SKAP2: variants seen among roughly 807,000 people sequenced by gnomAD.
SKAP2 encodes src kinase-associated phosphoprotein 2.
A neutral mutation model predicts 54.9 loss-of-function variants in SKAP2; 28 were observed. That is an observed-to-expected ratio of 0.51 (90% CI 0.38 to 0.70). The LOEUF (loss-of-function observed/expected upper bound fraction) is 0.70. SKAP2 is among the 30% of genes least tolerant of loss of function. The pLI, the probability that SKAP2 is intolerant of heterozygous loss-of-function variation, is 0.00. For missense variants in SKAP2, 356 were observed against 424.1 expected (o/e 0.84, Z 1.41); for synonymous variants, 137 against 134.3 (o/e 1.02, Z -0.14).
At chr7:26,714,803 C>T (rs188183965) in intron 9 of SKAP2, among the ~76,000 whole-genome samples, 5 of 152,180 alleles carry the variant, frequency 3.3e-5, no homozygotes, top group South Asian at 2.1e-4. Flanking sequence ...AATACATTTT[C>T]GTGAAGCTAC....
intron 9 of SKAP2, among the ~76,000 whole-genome samples, chr7:26,718,928 C>T (rs1787519470): frequency 1.3e-5 from 2 of 152,186 alleles, no homozygotes; most frequent in South Asian, 4.2e-4. Flanking sequence ...CCTGTAATCC[C>T]AGCACTTTGG....
At chr7:26,690,453 T>C (rs1452835865) in intron 9 of SKAP2, 91 bp from the exon 10 acceptor site, 1 of 770,830 alleles carries the variant, frequency 1.3e-6, no homozygotes, top group African/African-American at 1.8e-5. Context: ...AAACTAAAAG[T>C]TTATAACACA....
At chr7:26,858,938 T>TAAC (rs1785228202) in intron 1 of SKAP2, among the ~76,000 whole-genome samples, 1 of 151,980 alleles carries the variant, frequency 6.6e-6, no homozygotes, top group South Asian at 2.1e-4. Flanking sequence ...GTCACAAAGG[T>TAAC]AACACCTCCT....
chr7:26,857,662 C>G, intron 1 of SKAP2: 2 of 985,444 alleles, frequency 2.0e-6, no homozygotes, highest in Non-Finnish European at 2.4e-6. Context: ...CCCAGGGTTC[C>G]TCTCAGGCGG....
intron 4 of SKAP2, among the ~76,000 whole-genome samples, chr7:26,775,108 A>T (rs1449125445): frequency 2.0e-5 from 3 of 152,134 alleles, no homozygotes; most frequent in African/African-American, 7.2e-5. Flanking sequence ...ATCAAGAGGC[A>T]ACTCTCTTCG....
At chr7:26,741,579 T>TAAA (rs1297623139) in intron 4 of SKAP2, among the ~76,000 whole-genome samples, 2 of 15,500 alleles carry the variant, frequency 1.3e-4, no homozygotes, top group African/African-American at 4.4e-4. Context: ...AATAAATAAA[T>TAAA]TAATAAAATG....
intron 4 of SKAP2, among the ~76,000 whole-genome samples, chr7:26,756,430 TG>T (rs1264428679): frequency 6.6e-6 from 1 of 152,194 alleles, no homozygotes; most frequent in African/African-American, 2.4e-5. Context: ...ATGTGGTGTT[TG>T]GTTTTTTGTC....
At chr7:26,789,908 G>A (rs1039874417) in intron 4 of SKAP2, among the ~76,000 whole-genome samples, 5 of 152,136 alleles carry the variant, frequency 3.3e-5, no homozygotes, top group South Asian at 4.1e-4. Flanking sequence ...GTCATGTGCT[G>A]GGCAGAAACA....
intron 4 of SKAP2, among the ~76,000 whole-genome samples, chr7:26,755,644 GT>G (rs1416215953): frequency 6.6e-6 from 1 of 152,132 alleles, no homozygotes; most frequent in Non-Finnish European, 1.5e-5. Flanking sequence ...GACCATAACT[GT>G]CTTCTCTTCA....
At chr7:26,702,323 G>A (rs1464774423) in intron 9 of SKAP2, among the ~76,000 whole-genome samples, 2 of 151,922 alleles carry the variant, frequency 1.3e-5, no homozygotes, top group African/African-American at 2.4e-5. Flanking sequence ...TGTATTTTTT[G>A]TAGAGACAGG....
chr7:26,858,177 C>T (rs1785212941), intron 1 of SKAP2: 2 of 152,352 alleles, frequency 1.3e-5, no homozygotes, highest in Non-Finnish European at 2.9e-5. Context: ...CTAACTACCC[C>T]CACCCACCCC....
At chr7:26,697,479 TATG>T (rs1303565502) in intron 9 of SKAP2, among the ~76,000 whole-genome samples, 1 of 152,224 alleles carries the variant, frequency 6.6e-6, no homozygotes, top group African/African-American at 2.4e-5. Context: ...TTATTCACTG[TATG>T]ATAAAAATTC....
In SKAP2 at chr7:26,864,464, G is replaced by A; in HGVS notation, c.-35C>T. ...CGCAGGGCGTGCGGGGAAAGGACCT[G>A]CGCTGAAAAGGTGACCGACGGGGTG... On this transcript the variant is annotated 5_prime_UTR_variant, in exon 1 of 13. Transcript: ENST00000345317. 6.4e-7 allele frequency: 1 copy of A among 1,573,000 alleles called. No homozygotes were observed. The highest frequency in any genetic ancestry group is 1.4e-5 in the African/African-American group (1 of 73,156).
intron 4 of SKAP2, among the ~76,000 whole-genome samples, chr7:26,781,941 T>C (rs1271552430): frequency 6.6e-6 from 1 of 152,166 alleles, no homozygotes. Flanking sequence ...CCTCCCTGAA[T>C]AGATCAAGTT....
chr7:26,850,953 G>C (rs3934268), intron 3 of SKAP2, among the ~76,000 whole-genome samples: 32,266 of 151,866 alleles, frequency 0.21, 3,510 homozygotes, highest in Non-Finnish European at 0.24. Context: ...ATATAAACAA[G>C]TGAAAAATTA....
intron 4 of SKAP2, among the ~76,000 whole-genome samples, chr7:26,831,115 T>G (rs1375497154): frequency 6.6e-6 from 1 of 152,174 alleles, no homozygotes; most frequent in Non-Finnish European, 1.5e-5. Flanking sequence ...TCCAAACTCA[T>G]TCAAATGTTC....
At chr7:26,796,958 C>T (rs1783794175) in intron 4 of SKAP2, among the ~76,000 whole-genome samples, 1 of 152,148 alleles carries the variant, frequency 6.6e-6, no homozygotes, top group Non-Finnish European at 1.5e-5. Context: ...GAGCACAAAA[C>T]ATTTGGGCAA....
chr7:26,856,319 TA>T (rs544996750), intron 1 of SKAP2, among the ~76,000 whole-genome samples: 2 of 151,750 alleles, frequency 1.3e-5, no homozygotes, highest in Non-Finnish European at 1.5e-5. Flanking sequence ...ACTGATGTAT[TA>T]AAAAATAAGT....
intron 4 of SKAP2, among the ~76,000 whole-genome samples, chr7:26,767,882 T>C (rs1783097004): frequency 6.6e-6 from 1 of 152,182 alleles, no homozygotes; most frequent in South Asian, 2.1e-4. Flanking sequence ...TACTTCCAAT[T>C]ATGTGGTCAA....
Sources: allele counts gnomAD v4.1 joint callset (sites outside exome capture counted in the v4.1 genomes callset), GRCh38; gene constraint gnomAD v4.1.1; transcripts MANE v1.5; gene names NCBI Gene and HGNC (gene_info 2026-07-23, HGNC 2026-07-21).